Variants in TGFBR3 observed in about 807,000 individuals in gnomAD.
TGFBR3 encodes transforming growth factor beta receptor type 3.
In TGFBR3, 46 loss-of-function variants were observed where a neutral mutation model predicts 87.9. The observed-to-expected ratio is 0.52, with a 90% CI of 0.41 to 0.67. The LOEUF is 0.67. Among genes scored for constraint, TGFBR3 ranks in the 30% least tolerant of loss-of-function variants. The pLI, the probability that TGFBR3 is intolerant of heterozygous loss-of-function variation, is 0.00. For missense variants in TGFBR3, 866 were observed against 1,041.9 expected (o/e 0.83, Z 2.32); for synonymous variants, 381 against 391.6 (o/e 0.97, Z 0.32).
chr1:91,863,176 C>T (rs1004332428), intron 1 of TGFBR3, among the ~76,000 whole-genome samples: 1 of 152,102 alleles, frequency 6.6e-6, no homozygotes, highest in African/African-American at 2.4e-5. Context: ...ATTACCTATC[C>T]AGAAATAATA....
At chr1:91,712,132 T>G (rs761075680) in intron 13 of TGFBR3, 111 bp downstream of exon 13, 7 of 913,920 alleles carry the variant, frequency 7.7e-6, no homozygotes, top group Non-Finnish European at 1.1e-5. Context: ...AATATTTCAG[T>G]TGGGCAGTTC....
At chr1:91,887,804 T>C (rs762085055), upstream of TGFBR3, among the ~76,000 whole-genome samples, 1 of 152,162 alleles carries the variant, frequency 6.6e-6, no homozygotes, top group African/African-American at 2.4e-5. Flanking sequence ...CCAATATTCA[T>C]TGAGCACTGA....
intron 4 of TGFBR3, among the ~76,000 whole-genome samples, chr1:91,750,884 C>A (rs951957408): frequency 6.6e-6 from 1 of 152,226 alleles, no homozygotes; most frequent in African/African-American, 2.4e-5. Flanking sequence ...GAAGAGAATT[C>A]TCATTTTCTC....
At chr1:91,856,891 T>G (rs1041128520) in intron 2 of TGFBR3, among the ~76,000 whole-genome samples, 3 of 152,240 alleles carry the variant, frequency 2.0e-5, no homozygotes, top group Non-Finnish European at 4.4e-5. Flanking sequence ...TAGTGGTTGA[T>G]GGGCTGGATT....
intron 2 of TGFBR3, among the ~76,000 whole-genome samples, chr1:91,855,779 T>C (rs766409803): frequency 1.3e-5 from 2 of 152,214 alleles, no homozygotes; most frequent in African/African-American, 2.4e-5. Flanking sequence ...GCACTTATTT[T>C]TTAAACTTCC....
intron 10 of TGFBR3, among the ~76,000 whole-genome samples, chr1:91,717,134 T>C (rs1672203036): frequency 6.6e-6 from 1 of 152,136 alleles, no homozygotes; most frequent in Non-Finnish European, 1.5e-5. Flanking sequence ...AGTTGGCGAA[T>C]ACAAGAAGCT....
intron 2 of TGFBR3, among the ~76,000 whole-genome samples, chr1:91,834,260 G>A (rs1571556464): frequency 6.6e-6 from 1 of 152,112 alleles, no homozygotes; most frequent in African/African-American, 2.4e-5. Context: ...GGTGTCTCCC[G>A]CCTTCAATAA....
At chr1:91,803,174 C>T (rs1276468124) in intron 2 of TGFBR3, among the ~76,000 whole-genome samples, 2 of 152,210 alleles carry the variant, frequency 1.3e-5, no homozygotes, top group South Asian at 2.1e-4. Flanking sequence ...GCCACGGCCC[C>T]GTCTCTCATT....
At chr1:91,707,556 C>T (rs904738878) in intron 14 of TGFBR3, among the ~76,000 whole-genome samples, 32 of 152,210 alleles carry the variant, frequency 2.1e-4, no homozygotes, top group Non-Finnish European at 3.7e-4. Flanking sequence ...CAGCACCACC[C>T]AGCAGGCCTT....
chr1:91,728,279 TA>T (rs1294118211), intron 6 of TGFBR3, among the ~76,000 whole-genome samples: 7 of 151,942 alleles, frequency 4.6e-5, no homozygotes, highest in Non-Finnish European at 8.8e-5. Context: ...AAAAAAAAAT[TA>T]GGAAACTTCA....
intron 4 of TGFBR3, among the ~76,000 whole-genome samples, chr1:91,736,137 C>T (rs1443791087): frequency 6.6e-6 from 1 of 152,026 alleles, no homozygotes; most frequent in East Asian, 1.9e-4. Context: ...AAAAAAAGTA[C>T]TTCAATTAAT....
intron 2 of TGFBR3, among the ~76,000 whole-genome samples, chr1:91,809,422 C>T (rs1030814088): frequency 2.0e-5 from 3 of 152,098 alleles, no homozygotes; most frequent in African/African-American, 7.2e-5. Context: ...GAAGCAGAGA[C>T]AAGTGGCAAG....
chr1:91,844,854 CATA>C (rs1194616348), intron 2 of TGFBR3, among the ~76,000 whole-genome samples: 2 of 152,162 alleles, frequency 1.3e-5, no homozygotes, highest in Non-Finnish European at 2.9e-5. Context: ...CAAAGGCTTT[CATA>C]ATTCCTCATA....
chr1:91,739,040 G>A (rs1242254990), intron 4 of TGFBR3, among the ~76,000 whole-genome samples: 1 of 152,212 alleles, frequency 6.6e-6, no homozygotes, highest in Non-Finnish European at 1.5e-5. Context: ...AGGTCAGTGT[G>A]GCTGGACACA....
intron 3 of TGFBR3, among the ~76,000 whole-genome samples, chr1:91,767,163 TA>T (rs1674214621): frequency 7.5e-6 from 1 of 134,066 alleles, no homozygotes; most frequent in African/African-American, 2.8e-5. Flanking sequence ...AGCAGCATCT[TA>T]AAGTTAGTTA....
intron 3 of TGFBR3, among the ~76,000 whole-genome samples, chr1:91,759,664 G>A (rs1437131509): frequency 1.3e-5 from 2 of 152,174 alleles, no homozygotes; most frequent in South Asian, 4.1e-4. Flanking sequence ...TTTCCATACA[G>A]AGCGGGGAGG....
intron 3 of TGFBR3, among the ~76,000 whole-genome samples, chr1:91,793,305 G>A (rs1675260017): frequency 6.6e-6 from 1 of 152,104 alleles, no homozygotes; most frequent in South Asian, 2.1e-4. Context: ...ATTTATAATA[G>A]ATCTTGATAC....
At chr1:91,737,030 C>A (rs184214412) in intron 4 of TGFBR3, among the ~76,000 whole-genome samples, 7 of 152,256 alleles carry the variant, frequency 4.6e-5, no homozygotes, top group Non-Finnish European at 7.4e-5. Flanking sequence ...AATTAAAGAG[C>A]GATGCCGTGA....
At chr1:91,731,338 C>T (rs931756924) in intron 5 of TGFBR3, among the ~76,000 whole-genome samples, 10 of 152,160 alleles carry the variant, frequency 6.6e-5, no homozygotes, top group African/African-American at 2.2e-4. Context: ...GCTCTGGCCA[C>T]CACAGCACCC....
Sources: gnomAD v4.1 joint callset for allele counts (sites outside exome capture counted in the v4.1 genomes callset) on GRCh38, gnomAD v4.1.1 for gene constraint, MANE v1.5 for transcripts, NCBI Gene and HGNC (gene_info 2026-07-23, HGNC 2026-07-21) for gene names.